PREPL: variants seen among roughly 807,000 people sequenced by gnomAD.
The protein encoded by PREPL is prolyl endopeptidase-like.
A neutral mutation model predicts 70.6 loss-of-function variants in PREPL; 77 were observed. The observed-to-expected ratio is 1.09, with a 90% CI of 0.91 to 1.32. The LOEUF (loss-of-function observed/expected upper bound fraction) is 1.32. PREPL is among the 40% of genes most tolerant of loss of function. PREPL has a pLI of 0.00. For synonymous variants in PREPL, 315 were observed against 264.8 expected, an observed-to-expected ratio of 1.19 and a Z score of -1.84; for missense variants, 1,002 against 778.2, an observed-to-expected ratio of 1.29 and a Z score of -3.42.
chr2:44,358,750 G>A (rs139614026), intron 1 of PREPL, among the ~76,000 whole-genome samples: 2 of 152,206 alleles, frequency 1.3e-5, no homozygotes, highest in Non-Finnish European at 2.9e-5. Context: ...GGGTCTGGCA[G>A]AAGTACAATA....
At position 44,329,075 on chromosome 2, in the gene PREPL, G is replaced by A; in HGVS notation, c.1124C>T (p.Thr375Ile). Residue 375 changes from threonine to isoleucine, a missense_variant, in exon 9 of 14, where the codon ACT becomes ATT. Transcript: ENST00000409411. ...KLVPMTVFHKTDSEDLQKKPL... is the reference protein window; with the variant it reads ...KLVPMTVFHKIDSEDLQKKPL... ...TTTCTTCTGCAAGTCCTCAGAGTCA[G>A]TTTTGTGGAAAACAGTCATTGGCAC... is the stretch of plus-strand genomic sequence containing the variant. The A allele has an allele frequency of 6.2e-7, 1 of 1,609,818 alleles. No individual in the cohort carries two copies. The highest frequency in any genetic ancestry group is 8.5e-7 in the Non-Finnish European group (1 of 1,176,384).
chr2:44,324,639 A>G (rs934259559), intron 10 of PREPL, among the ~76,000 whole-genome samples: 6 of 152,196 alleles, frequency 3.9e-5, no homozygotes, highest in African/African-American at 7.2e-5. Flanking sequence ...GCACATTGGG[A>G]GGCTGAGGTG....
At chr2:44,341,580 G>C (rs1312950828) in intron 5 of PREPL, among the ~76,000 whole-genome samples, 2 of 151,960 alleles carry the variant, frequency 1.3e-5, no homozygotes, top group Non-Finnish European at 2.9e-5. Context: ...CAGGAAGTGA[G>C]AACACAAGTG....
chr2:44,350,405 A>T (rs1676290060), intron 1 of PREPL, among the ~76,000 whole-genome samples: 1 of 152,184 alleles, frequency 6.6e-6, no homozygotes, highest in Admixed American at 6.5e-5. Flanking sequence ...TAAAAAAATG[A>T]TAAAACCTTA....
chr2:44,353,522 A>G (rs1220260833), intron 1 of PREPL, among the ~76,000 whole-genome samples: 8 of 151,974 alleles, frequency 5.3e-5, no homozygotes, highest in Non-Finnish European at 1.2e-4. Context: ...TGGGAGGCAG[A>G]GGTTGCAGTG....
At position 44,344,575 on chromosome 2, in the gene PREPL, AC is replaced by A; in HGVS notation, c.86del (p.Gly29ValfsTer36). Reference sequence around the variant, plus strand: ...AACCTTCTTGGTAATAAACAAAACCACCATGTTTAACCTGACAAAAGAAACA... The same window carrying A: ...AACCTTCTTGGTAATAAACAAAACCACATGTTTAACCTGACAAAAGAAACA... ...YEIINVEVKH[G>X]GFVYYQEGCC... On this transcript the variant is annotated frameshift_variant, in exon 3 of 14. Transcript: ENST00000409411. LOFTEE classifies it high-confidence loss of function. 1 of 1,601,262 alleles carries A rather than the reference AC, an allele frequency of 6.2e-7. No individual in the cohort carries two copies. The highest frequency in any genetic ancestry group is 1.3e-5 in the African/African-American group (1 of 74,694).
At chr2:44,358,101 G>A (rs1677244213) in intron 1 of PREPL, among the ~76,000 whole-genome samples, 1 of 152,102 alleles carries the variant, frequency 6.6e-6, no homozygotes, top group South Asian at 2.1e-4. Context: ...TAGAAAAACT[G>A]AGAAAAATTA....
chr2:44,339,006 G>C lies in PREPL; in HGVS notation c.702+141C>G, dbSNP rs1021719675. ...AAATATGTAGAGGCATTAGCTCTAA[G>C]GGAAAAGAAATGGGATTGGTTATAC... On this transcript the variant is annotated intron_variant, in intron 6 of 13. Coordinates refer to ENST00000409411, the MANE Select transcript of PREPL (RefSeq NM_001171613.2). The C allele has an allele frequency of 3.7e-6, 5 of 1,357,406 alleles. No homozygotes were observed. The African/African-American group carries it at 4.4e-5, about 12-fold the overall frequency. The allele number at this position is 1,357,406 out of a possible 1,614,324, so 84.1% of individuals were successfully genotyped here. A position where few individuals can be genotyped will look rare whatever the true frequency, so the allele number is the denominator to read the frequency against.
intron 1 of PREPL, among the ~76,000 whole-genome samples, chr2:44,355,797 G>C (rs1676980142): frequency 6.8e-6 from 1 of 146,002 alleles, no homozygotes; most frequent in Non-Finnish European, 1.5e-5. Context: ...ACACACATAT[G>C]AATATGAGAC....
chr2:44,318,337 CTGCCT>C lies in PREPL; in HGVS notation c.*3014_*3018del. On this transcript the variant is annotated 3_prime_UTR_variant, in exon 14 of 14. Transcript: ENST00000409411. ...GAACTCCTGACCTCTGGTGATCTGT[CTGCCT>C]TGCCTCCCAAAGTGCTAGGATTACG... is the stretch of plus-strand genomic sequence containing the variant. The C allele has an allele frequency of 5.1e-6, 1 of 196,522 alleles. No homozygotes were observed. Among genetic ancestry groups the C allele is most frequent in the Non-Finnish European group, 1.1e-5 (1 of 92,592 alleles). 12.2% of individuals were successfully genotyped at this position (196,522 alleles called of 1,614,324 possible). A position where few individuals can be genotyped will look rare whatever the true frequency, so the allele number is the denominator to read the frequency against.
chr2:44,354,579 T>C (rs1308601336), intron 1 of PREPL, among the ~76,000 whole-genome samples: 1 of 115,980 alleles, frequency 8.6e-6, no homozygotes, highest in Non-Finnish European at 1.6e-5. Context: ...TCCTCCTCTC[T>C]TTTTTTTTTT....
chr2:44,350,463 T>C (rs1026327348), intron 1 of PREPL, among the ~76,000 whole-genome samples: 4 of 152,200 alleles, frequency 2.6e-5, no homozygotes, highest in Non-Finnish European at 5.9e-5. Flanking sequence ...TCAGTTATCT[T>C]ACACAGAAAT....
chr2:44,320,847 A>C lies in PREPL; in HGVS notation c.*509T>G. On this transcript the variant is annotated 3_prime_UTR_variant, in exon 14 of 14. Coordinates refer to ENST00000409411, the MANE Select transcript of PREPL (RefSeq NM_001171613.2). ...AAATTATGGCTTATAGGAGCTTATA[A>C]CTTTATTCAGATAGCATCAATCAGG... is the stretch of plus-strand genomic sequence containing the variant. The C allele has an allele frequency of 1.7e-6, 1 of 581,768 alleles. No individual in the cohort carries two copies. The highest frequency in any genetic ancestry group is 3.0e-6 in the Non-Finnish European group (1 of 328,332). The allele number at this position is 581,768 out of a possible 1,614,324, so 36.0% of individuals were successfully genotyped here.
intron 7 of PREPL, among the ~76,000 whole-genome samples, chr2:44,336,849 A>T (rs1674693204): frequency 6.6e-6 from 1 of 152,152 alleles, no homozygotes. Flanking sequence ...GAGACTGGAC[A>T]TTACATTTGA....
intron 11 of PREPL, 60 bp downstream of exon 11, chr2:44,323,202 T>G (rs978649586): frequency 2.7e-6 from 4 of 1,464,060 alleles, no homozygotes; most frequent in Non-Finnish European, 3.7e-6. Flanking sequence ...TTGGATAAGT[T>G]TTTTTTTTAT....
At chr2:44,355,058 A>G (rs1265038043) in intron 1 of PREPL, among the ~76,000 whole-genome samples, 1 of 152,228 alleles carries the variant, frequency 6.6e-6, no homozygotes, top group African/African-American at 2.4e-5. Flanking sequence ...AACATTTTAG[A>G]GCTAAACATC....
intron 7 of PREPL, among the ~76,000 whole-genome samples, chr2:44,337,753 TG>T (rs1674782816): frequency 6.6e-6 from 1 of 152,226 alleles, no homozygotes; most frequent in Non-Finnish European, 1.5e-5. Context: ...TTATCTTTCC[TG>T]GTAGCCACAA....
At chr2:44,327,690 C>T (rs1673653899) in intron 9 of PREPL, among the ~76,000 whole-genome samples, 1 of 145,778 alleles carries the variant, frequency 6.9e-6, no homozygotes, top group African/African-American at 2.5e-5. Context: ...GTGAAACCCC[C>T]GTCTCTCCTA....
intron 1 of PREPL, chr2:44,359,806 G>T (rs1677474145): frequency 1.1e-6 from 1 of 883,824 alleles, no homozygotes; most frequent in Non-Finnish European, 1.8e-6. Flanking sequence ...GGTTCTCAGA[G>T]TAACTAAGAT....
Sources: gnomAD v4.1 joint callset for allele counts (sites outside exome capture counted in the v4.1 genomes callset) on GRCh38, gnomAD v4.1.1 for gene constraint, MANE v1.5 for transcripts, NCBI Gene and HGNC (gene_info 2026-07-23, HGNC 2026-07-21) for gene names.